PCSK5: variants seen among roughly 807,000 people sequenced by gnomAD.
PCSK5 encodes prohormone convertase 5.
Under a neutral mutation model 233.2 loss-of-function variants are expected in PCSK5, and 129 were observed. That is an observed-to-expected ratio of 0.55 (90% confidence interval 0.48 to 0.64). The LOEUF is 0.64. Among genes scored for constraint, PCSK5 ranks in the 30% least tolerant of loss-of-function variants. The pLI, the probability that PCSK5 is intolerant of heterozygous loss-of-function variation, is 0.00. For synonymous variants in PCSK5, 825 were observed against 879.2 expected, an observed-to-expected ratio of 0.94 and a Z score of 1.09; for missense variants, 2,076 against 2,430.1, an observed-to-expected ratio of 0.85 and a Z score of 3.06.
At chr9:76,120,805 G>A (rs1832601983) in intron 9 of PCSK5, among the ~76,000 whole-genome samples, 1 of 151,914 alleles carries the variant, frequency 6.6e-6, no homozygotes, top group Non-Finnish European at 1.5e-5. Context: ...AGATTTTGGA[G>A]TCAAGCTAAC....
In PCSK5 at chr9:75,945,677, G is replaced by C. The variant is rs949394259; in HGVS notation, c.297+13194G>C. ...TTAAGTTATCTTCAAGGGCCATTAT[G>C]ATCTAGCCTCTTTCTACCTCTCTGA... On this transcript the variant is annotated intron_variant, in intron 2 of 37. Transcript: ENST00000674117. Among the ~76,000 whole-genome samples the C allele has an allele frequency of 5.3e-5, 8 of 151,962 alleles. No homozygotes were observed. The East Asian group carries it at 1.5e-3, about 29-fold the overall frequency.
Position 76,313,650 on chromosome 9 carries a change from T to G in PCSK5, c.3884+2799T>G, listed in dbSNP as rs1297698606. Reference sequence around the variant, plus strand: ...GAGTTCAAGGTCAGCCTGAGCAACATAGCAAGACCCTGTCTCTGAAAACAA... The same window carrying G: ...GAGTTCAAGGTCAGCCTGAGCAACAGAGCAAGACCCTGTCTCTGAAAACAA... On this transcript the variant is annotated intron_variant, in intron 30 of 37. Coordinates refer to ENST00000674117, the MANE Select transcript of PCSK5 (RefSeq NM_001372043.1). 2.0e-5 allele frequency among the ~76,000 whole-genome samples: 3 copies of G among 152,116 alleles called. No individual in the cohort carries two copies. In the East Asian group the frequency reaches 5.8e-4, roughly 29 times the overall value.
chr9:76,205,129 C>T, intron 20 of PCSK5: 1 of 518,958 alleles, frequency 1.9e-6, no homozygotes, highest in East Asian at 5.5e-5. Flanking sequence ...AGAAAGATCT[C>T]ATTGTCAGGT....
At chr9:76,347,775 A>C (rs2262160) in intron 35 of PCSK5, among the ~76,000 whole-genome samples, 101,275 of 149,818 alleles carry the variant, frequency 0.68, 36,261 homozygotes, top group South Asian at 0.79. Flanking sequence ...AAAAAAAAAA[A>C]AAAAGAAAGA....
At position 76,040,385 on chromosome 9, in the gene PCSK5, G is replaced by GTCTC. The variant is rs5898445; in HGVS notation, c.632+13373_632+13376dup. On this transcript the variant is annotated intron_variant, in intron 5 of 37. Transcript: ENST00000674117. ...TCTCTCTCTCTCTCTCTCTCTCTCT[G>GTCTC]TCTCTCTCTCTCTCTCTCTCTCTCT... is the stretch of plus-strand genomic sequence containing the variant. Among the ~76,000 whole-genome samples, 77 of 80,602 alleles carry GTCTC rather than the reference G, an allele frequency of 9.6e-4. 2 individuals are homozygous for GTCTC. Among genetic ancestry groups the GTCTC allele is most frequent in the Non-Finnish European group, 1.4e-3 (55 of 38,198 alleles). The allele number at this position is 80,602 out of a possible 152,430, so 52.9% of individuals were successfully genotyped here.
chr9:76,049,696 C>T (rs796781536), intron 5 of PCSK5, among the ~76,000 whole-genome samples: 7 of 152,292 alleles, frequency 4.6e-5, no homozygotes, highest in African/African-American at 1.7e-4. Context: ...CATTGTTTAC[C>T]TGTATTTCAG....
At chr9:76,094,290 A>G (rs1028324529) in intron 7 of PCSK5, among the ~76,000 whole-genome samples, 2 of 151,376 alleles carry the variant, frequency 1.3e-5, no homozygotes, top group Non-Finnish European at 3.0e-5. Flanking sequence ...GCATCCCCCA[A>G]ATGCTTTTGC....
intron 3 of PCSK5, among the ~76,000 whole-genome samples, chr9:76,011,210 C>T (rs1169859808): frequency 1.3e-5 from 2 of 152,198 alleles, no homozygotes; most frequent in Admixed American, 1.3e-4. Flanking sequence ...GAGAGAATCT[C>T]ACCAGGTCGA....
intron 30 of PCSK5, among the ~76,000 whole-genome samples, chr9:76,320,335 C>T (rs1007066184): frequency 2.0e-5 from 3 of 149,504 alleles, no homozygotes; most frequent in African/African-American, 4.9e-5. Flanking sequence ...GAGGCTGAGG[C>T]AGGAGAATCG....
intron 34 of PCSK5, among the ~76,000 whole-genome samples, chr9:76,337,851 A>G (rs942625713): frequency 1.3e-5 from 2 of 151,998 alleles, no homozygotes; most frequent in Non-Finnish European, 2.9e-5. Context: ...AAAAAAAAAA[A>G]AAGATCCTTC....
At chr9:76,064,114 G>C (rs1830151879) in intron 5 of PCSK5, among the ~76,000 whole-genome samples, 1 of 123,188 alleles carries the variant, frequency 8.1e-6, no homozygotes, top group Non-Finnish European at 1.7e-5. Context: ...TCCCAGACGG[G>C]GCGGCTGGCT....
intron 13 of PCSK5, among the ~76,000 whole-genome samples, chr9:76,170,992 T>A (rs891832298): frequency 2.0e-5 from 3 of 152,230 alleles, no homozygotes; most frequent in Non-Finnish European, 2.9e-5. Context: ...AAAGCCAGAA[T>A]GGTGGCCAGG....
intron 32 of PCSK5, among the ~76,000 whole-genome samples, chr9:76,324,237 A>G (rs2643307): frequency 0.55 from 82,506 of 150,906 alleles, 23,251 homozygotes; most frequent in African/African-American, 0.65. Context: ...ATATTTTGTT[A>G]TTGTTGTTCT....
At chr9:76,109,239 CT>C (rs1832105406) in intron 9 of PCSK5, among the ~76,000 whole-genome samples, 3 of 152,144 alleles carry the variant, frequency 2.0e-5, no homozygotes, top group South Asian at 4.1e-4. Flanking sequence ...TGTTTTTATT[CT>C]GAAATTCTAG....
intron 13 of PCSK5, among the ~76,000 whole-genome samples, chr9:76,170,152 G>C (rs982394198): frequency 3.9e-5 from 6 of 152,184 alleles, no homozygotes; most frequent in Admixed American, 3.9e-4. Context: ...AAGCCAGCCT[G>C]TCCACCGGCA....
At chr9:75,920,094 G>C (rs1394368570) in intron 1 of PCSK5, among the ~76,000 whole-genome samples, 1 of 152,124 alleles carries the variant, frequency 6.6e-6, no homozygotes, top group East Asian at 1.9e-4. Context: ...ACTTGAATGC[G>C]GGAGGCAAAG....
chr9:76,129,659 T>G (rs879475620), intron 9 of PCSK5, among the ~76,000 whole-genome samples: 1 of 152,126 alleles, frequency 6.6e-6, no homozygotes, highest in African/African-American at 2.4e-5. Context: ...ACAGATGTAT[T>G]TCTAGCACTC....
intron 30 of PCSK5, among the ~76,000 whole-genome samples, chr9:76,316,099 T>G (rs1225346870): frequency 6.6e-6 from 1 of 152,160 alleles, no homozygotes; most frequent in Non-Finnish European, 1.5e-5. Context: ...CCAGAAACTA[T>G]TCTCTGCAGG....
intron 2 of PCSK5, among the ~76,000 whole-genome samples, chr9:75,970,457 A>G (rs1825769747): frequency 6.6e-6 from 1 of 152,012 alleles, no homozygotes; most frequent in Middle Eastern, 3.2e-3. Flanking sequence ...TTTATTCTCT[A>G]CTCATCAGAC....
Sources: allele counts gnomAD v4.1 joint callset (sites outside exome capture counted in the v4.1 genomes callset), GRCh38; gene constraint gnomAD v4.1.1; transcripts MANE v1.5; gene names NCBI Gene and HGNC (gene_info 2026-07-23, HGNC 2026-07-21).